ESRRB: variants seen among roughly 807,000 people sequenced by gnomAD.
ESRRB encodes steroid hormone receptor ERR2.
In ESRRB, 16 loss-of-function variants were observed where a neutral mutation model predicts 46.0. That is an observed-to-expected ratio of 0.35 (90% CI 0.24 to 0.53). The LOEUF (loss-of-function observed/expected upper bound fraction) is 0.53. Ranked by LOEUF, ESRRB falls within the 20% of genes least tolerant of loss-of-function variation. The probability of loss-of-function intolerance (pLI) is 0.93; values close to 1 mark genes in which losing one functional copy is unlikely to be tolerated. For synonymous variants in ESRRB, 246 were observed against 259.6 expected (o/e 0.95, Z 0.50); for missense variants, 488 against 607.4 (o/e 0.80, Z 2.07).
Position 76,482,094 on chromosome 14 carries a change from G to C in ESRRB, c.656G>C (p.Ser219Thr). Residue 219 changes from serine (S) to threonine (T), a missense_variant, in exon 4 of 7, where the codon AGC (serine) becomes ACC (threonine). By Grantham distance (58) the Ser-to-Thr change is moderately conservative (BLOSUM62 1). Coordinates refer to ENST00000644823, the MANE Select transcript of ESRRB (RefSeq NM_001379180.1). The surrounding 1 kb of genome is among the most constrained non-coding windows in gnomAD (Gnocchi z 4.3). ...GACTCAGAGAGCAGCCCATACCTGA[G>C]CTTACAAATTTCTCCACCTGCTAAA... ...RLDSESSPYLSLQISPPAKKP... is the reference protein window; with the variant it reads ...RLDSESSPYLTLQISPPAKKP... The C allele has an allele frequency of 1.2e-6, 2 of 1,614,220 alleles. No individual in the cohort carries two copies. The highest frequency in any genetic ancestry group is 1.7e-6 in the Non-Finnish European group (2 of 1,180,042).
Position 76,482,510 on chromosome 14 carries a change from C to G in ESRRB, c.689-88C>G. ...GACCTTCCTGGAGCTCTTAGGAACC[C>G]AACTTTGCTTCCTGACCCATCTGAG... is the stretch of plus-strand genomic sequence containing the variant. On this transcript the variant is annotated intron_variant, in intron 4 of 6. Transcript: ENST00000644823. This position sits in a 1 kb window ranked among gnomAD's most constrained non-coding sequence, Gnocchi z 4.3. 8 of 1,439,836 alleles carry G rather than the reference C, an allele frequency of 5.6e-6. No individual in the cohort carries two copies. Among genetic ancestry groups the G allele is most frequent in the Non-Finnish European group, 7.8e-6 (8 of 1,027,160 alleles). 89.2% of individuals were successfully genotyped at this position (1,439,836 alleles called of 1,614,324 possible).
At chr14:76,427,651 G>A (rs535303076) in intron 1 of ESRRB, among the ~76,000 whole-genome samples, 1 of 152,240 alleles carries the variant, frequency 6.6e-6, no homozygotes, top group Non-Finnish European at 1.5e-5. Context: ...CTAAATGGAA[G>A]CTGTCTCCTC....
intron 1 of ESRRB, among the ~76,000 whole-genome samples, chr14:76,353,956 T>C (rs2139763759): frequency 6.6e-6 from 1 of 152,204 alleles, no homozygotes; most frequent in South Asian, 2.1e-4. Flanking sequence ...AGCGAGACCC[T>C]GTCTCAAAAT....
At chr14:76,332,798 A>ATTTATAT (rs1566853430) in intron 1 of ESRRB, among the ~76,000 whole-genome samples, 1 of 9,326 alleles carries the variant, frequency 1.1e-4, no homozygotes, top group Non-Finnish European at 1.8e-4. Context: ...ATAAATATAT[A>ATTTATAT]ATATATTTAT....
chr14:76,327,243 G>T (rs375485240), intron 1 of ESRRB, among the ~76,000 whole-genome samples: 1 of 152,234 alleles, frequency 6.6e-6, no homozygotes, highest in African/African-American at 2.4e-5. Context: ...GGACCCACGT[G>T]GGGGTGGGCT....
intron 1 of ESRRB, among the ~76,000 whole-genome samples, chr14:76,356,301 G>C (rs1158622781): frequency 6.6e-6 from 1 of 152,192 alleles, no homozygotes; most frequent in Non-Finnish European, 1.5e-5. Flanking sequence ...GTGCAGGGAG[G>C]AGCAGGTTTA....
chr14:76,420,567 G>GTGAGTA (rs1555395365), intron 1 of ESRRB, among the ~76,000 whole-genome samples: 4 of 149,324 alleles, frequency 2.7e-5, no homozygotes, highest in African/African-American at 1.0e-4. Context: ...GAGTGTGTGT[G>GTGAGTA]TGTGTGTGTG....
At chr14:76,429,505 C>T (rs1337573409) in intron 1 of ESRRB, among the ~76,000 whole-genome samples, 1 of 152,006 alleles carries the variant, frequency 6.6e-6, no homozygotes, top group Admixed American at 6.6e-5. Flanking sequence ...AATCCCAGCA[C>T]TTTGGGAGGC....
intron 1 of ESRRB, among the ~76,000 whole-genome samples, chr14:76,429,042 T>G (rs1887319693): frequency 6.6e-6 from 1 of 152,012 alleles, no homozygotes; most frequent in African/African-American, 2.4e-5. Flanking sequence ...AAAGAAATCA[T>G]TAGGAAAATA....
At chr14:76,325,027 C>T (rs2139730675) in intron 1 of ESRRB, among the ~76,000 whole-genome samples, 1 of 137,072 alleles carries the variant, frequency 7.3e-6, no homozygotes, top group African/African-American at 2.8e-5. Flanking sequence ...TGCAGTGGCT[C>T]AATCTTGGCT....
intron 1 of ESRRB, among the ~76,000 whole-genome samples, chr14:76,319,735 A>G (rs992999784): frequency 6.6e-6 from 1 of 152,150 alleles, no homozygotes; most frequent in Non-Finnish European, 1.5e-5. Context: ...TAGTAGAAAC[A>G]TGGTTGGTGG....
chr14:76,455,266 C>A (rs1888559934), intron 2 of ESRRB, among the ~76,000 whole-genome samples: 1 of 151,862 alleles, frequency 6.6e-6, no homozygotes, highest in African/African-American at 2.4e-5. Flanking sequence ...AGTCACTGGC[C>A]CTACCCATTC....
chr14:76,398,677 G>A (rs1297239072), intron 1 of ESRRB, among the ~76,000 whole-genome samples: 3 of 152,118 alleles, frequency 2.0e-5, no homozygotes, highest in African/African-American at 7.2e-5. Flanking sequence ...GTTGGCATTG[G>A]GCATTGCATT....
At chr14:76,354,565 A>G (rs1884355698) in intron 1 of ESRRB, among the ~76,000 whole-genome samples, 1 of 151,560 alleles carries the variant, frequency 6.6e-6, no homozygotes. Context: ...AGACACTCTT[A>G]CCACAGTCCC....
At chr14:76,446,595 C>T (rs985962012) in intron 2 of ESRRB, among the ~76,000 whole-genome samples, 1 of 152,128 alleles carries the variant, frequency 6.6e-6, no homozygotes, top group African/African-American at 2.4e-5. Flanking sequence ...AAAAAACAGA[C>T]ATACTTAGGC....
chr14:76,460,611 C>T (rs1888809138), intron 2 of ESRRB, among the ~76,000 whole-genome samples: 1 of 152,142 alleles, frequency 6.6e-6, no homozygotes, highest in Non-Finnish European at 1.5e-5. Flanking sequence ...AAAACCCTGG[C>T]TCAGGCTGAC....
At chr14:76,481,908 C>T (rs113737575) in intron 3 of ESRRB, 108 bp from the exon 4 acceptor site, 10,759 of 992,988 alleles carry the variant, frequency 0.011, 79 homozygotes, top group Non-Finnish European at 0.013. Flanking sequence ...GAAGGTCATC[C>T]GAGCAAGGCC....
rs1315435060 is a variant in ESRRB at position 76,376,202 on chromosome 14, G to A, written c.-200G>A. On this transcript the variant is annotated 5_prime_UTR_variant, in exon 1 of 7. Transcript: ENST00000644823. This position sits in a 1 kb window ranked among gnomAD's most constrained non-coding sequence, Gnocchi z 4.1. ...CCTCTGCCCGCTCTCTCCGGAGCGT[G>A]CGGATGAGTGGAGAGCTGGGCTGTG... is the stretch of plus-strand genomic sequence containing the variant. 2.5e-6 allele frequency: 1 copy of A among 396,482 alleles called. No homozygotes were observed. Among genetic ancestry groups the A allele is most frequent in the Non-Finnish European group, 4.4e-6 (1 of 225,854 alleles). The allele number at this position is 396,482 out of a possible 1,614,324, so 24.6% of individuals were successfully genotyped here.
chr14:76,445,900 G>T (rs1391399381), intron 2 of ESRRB, among the ~76,000 whole-genome samples: 5 of 152,100 alleles, frequency 3.3e-5, no homozygotes, highest in African/African-American at 1.2e-4. Context: ...TGGCCAGGCT[G>T]GTCTCCAACT....
Sources: allele counts gnomAD v4.1 joint callset (sites outside exome capture counted in the v4.1 genomes callset), GRCh38; gene constraint gnomAD v4.1.1; non-coding constraint Gnocchi (gnomAD v3.1); transcripts MANE v1.5; gene names NCBI Gene and HGNC (gene_info 2026-07-23, HGNC 2026-07-21).